Variants in IDH3A observed in about 807,000 individuals in gnomAD.
IDH3A encodes isocitrate dehydrogenase (NAD(+)) 3 catalytic subunit alpha.
In IDH3A, 23 loss-of-function variants were observed where a neutral mutation model predicts 43.3. The observed-to-expected ratio is 0.53, with a 90% CI of 0.38 to 0.75. IDH3A has a LOEUF of 0.75. Among genes scored for constraint, IDH3A ranks in the 30% least tolerant of loss-of-function variants. The probability of loss-of-function intolerance (pLI) is 0.00; values close to 1 mark genes in which losing one functional copy is unlikely to be tolerated. For synonymous variants in IDH3A, 154 were observed against 163.5 expected, an observed-to-expected ratio of 0.94 and a Z score of 0.44; for missense variants, 329 against 474.4, an observed-to-expected ratio of 0.69 and a Z score of 2.85.
At chr15:78,157,407 G>A (rs1596376662) in intron 2 of IDH3A, 141 bp from the exon 3 acceptor site, 2 of 654,828 alleles carry the variant, frequency 3.1e-6, no homozygotes, top group East Asian at 2.8e-5. Flanking sequence ...ATGACCCCCG[G>A]GGAGGTATGT....
intron 4 of IDH3A, among the ~76,000 whole-genome samples, chr15:78,160,523 G>A (rs1377707642): frequency 2.6e-5 from 4 of 151,842 alleles, no homozygotes; most frequent in African/African-American, 9.7e-5. Flanking sequence ...ACAGAGTCTC[G>A]CTCTGTTGCC....
intron 9 of IDH3A, among the ~76,000 whole-genome samples, 163 bp downstream of exon 9, chr15:78,165,239 T>C (rs1007748864): frequency 1.3e-5 from 2 of 152,012 alleles, no homozygotes; most frequent in Non-Finnish European, 1.5e-5. Context: ...TCACCCACGC[T>C]GGAGTACAGT....
intron 1 of IDH3A, among the ~76,000 whole-genome samples, chr15:78,149,911 G>C (rs756723741): frequency 1.3e-5 from 2 of 152,284 alleles, no homozygotes; most frequent in Non-Finnish European, 2.9e-5. Context: ...GGTGCCACGG[G>C]CACTGGCGTT....
rs1410220314 is a variant in IDH3A at position 78,170,940 on chromosome 15, T to A, written c.*1935T>A. On this transcript the variant is annotated 3_prime_UTR_variant, in exon 11 of 11. Transcript: ENST00000299518. ...TTATTAAGCATCAAGTCAGTTGGCA[T>A]GTGGGTGGCGGAGTGCCTGGTAATG... 2 of 153,092 alleles carry A rather than the reference T, an allele frequency of 1.3e-5. No individual in the cohort carries two copies. Among genetic ancestry groups the A allele is most frequent in the African/African-American group, 4.8e-5 (2 of 41,474 alleles). 9.5% of individuals were successfully genotyped at this position (153,092 alleles called of 1,614,324 possible).
chr15:78,158,967 G>C (rs1477050835), intron 3 of IDH3A, among the ~76,000 whole-genome samples: 1 of 151,902 alleles, frequency 6.6e-6, no homozygotes, highest in Non-Finnish European at 1.5e-5. Context: ...CGAGCAGCTG[G>C]GATTACAGGT....
Position 78,162,321 on chromosome 15 carries a change from A to C in IDH3A, c.565A>C (p.Asn189His). The change falls in exon 6 of 11, where the codon AAC becomes CAC. Residue 189 changes from asparagine (N) to histidine (H), a missense_variant. Physicochemically the swap from Asn to His is moderately conservative, Grantham distance 68. Coordinates refer to ENST00000299518, the MANE Select transcript of IDH3A (RefSeq NM_005530.3). ...IAEFAFEYAR[N>H]NHRSNVTAVH... is the part of the protein sequence containing the mutation. Reference sequence around the variant, plus strand: ...TGAGTTTGCCTTTGAGTATGCCCGGAACAACCACCGGAGCAACGTCACGGC... The same window carrying C: ...TGAGTTTGCCTTTGAGTATGCCCGGCACAACCACCGGAGCAACGTCACGGC... 3 of 1,614,100 alleles carry C rather than the reference A, an allele frequency of 1.9e-6. No individual in the cohort carries two copies. The highest frequency in any genetic ancestry group is 2.5e-6 in the Non-Finnish European group (3 of 1,180,028).
rs1342964916 is a variant in IDH3A, at chr15:78,171,578, C to T, written c.*2573C>T. On this transcript the variant is annotated 3_prime_UTR_variant, in exon 11 of 11. Transcript: ENST00000299518. The stretch of plus-strand genomic sequence containing the variant: ...GAGTGAGGCCCAGGCTCTGAGAACT[C>T]TGAGAATGTGTGTGGTAAAGACTCA... 6.7e-7 allele frequency: 1 copy of T among 1,491,028 alleles called. No homozygotes were observed. Among genetic ancestry groups the T allele is most frequent in the African/African-American group, 1.4e-5 (1 of 72,358 alleles). 92.4% of individuals were successfully genotyped at this position (1,491,028 alleles called of 1,614,324 possible). A position where few individuals can be genotyped will look rare whatever the true frequency, so the allele number is the denominator to read the frequency against.
chr15:78,159,300 T>G (rs1032730385), intron 3 of IDH3A, among the ~76,000 whole-genome samples: 2 of 146,096 alleles, frequency 1.4e-5, no homozygotes, highest in African/African-American at 2.6e-5. Context: ...CCCTACCCCC[T>G]CCTCCTTTTT....
chr15:78,158,464 T>TATATATATATATATATATATA lies in IDH3A; in HGVS notation c.174+833_174+834insATATATATATATATATATATA, dbSNP rs71145899. On this transcript the variant is annotated intron_variant, in intron 3 of 10. Coordinates refer to ENST00000299518, the MANE Select transcript of IDH3A (RefSeq NM_005530.3). ...ACATACATACATATATATATATATA[T>TATATATATATATATATATATA]TTTTTTTTTTTTTTTTTTTTTTTTT... Among the ~76,000 whole-genome samples the TATATATATATATATATATATA allele has an allele frequency of 1.9e-3, 97 of 49,896 alleles. 2 individuals carry two copies. The highest frequency in any genetic ancestry group is 2.8e-3 in the Non-Finnish European group (74 of 26,476). 32.7% of individuals were successfully genotyped at this position (49,896 alleles called of 152,430 possible). A position where few individuals can be genotyped will look rare whatever the true frequency, so the allele number is the denominator to read the frequency against.
intron 3 of IDH3A, among the ~76,000 whole-genome samples, chr15:78,158,521 G>C (rs1309432315): frequency 4.2e-5 from 5 of 119,950 alleles, no homozygotes; most frequent in Non-Finnish European, 8.2e-5. Flanking sequence ...TTGTTGCCCA[G>C]GCTGAAGTGC....
At chr15:78,163,900 G>T in intron 8 of IDH3A, 120 bp downstream of exon 8, 3 of 681,682 alleles carry the variant, frequency 4.4e-6, no homozygotes, top group South Asian at 1.8e-5. Context: ...TGTAACATAT[G>T]AATTGAATTC....
At chr15:78,156,940 T>C in intron 2 of IDH3A, 1 of 1,351,812 alleles carries the variant, frequency 7.4e-7, no homozygotes, top group Non-Finnish European at 9.8e-7. Flanking sequence ...AGATTACTCT[T>C]AGATTTAAGC....
chr15:78,162,331 G>C lies in IDH3A; in HGVS notation c.575G>C (p.Arg192Pro). ...FAFEYARNNHRSNVTAVHKAN... is the reference protein window; with the variant it reads ...FAFEYARNNHPSNVTAVHKAN... The stretch of plus-strand genomic sequence containing the variant: ...TTTGAGTATGCCCGGAACAACCACC[G>C]GAGCAACGTCACGGCGGTGCACAAA... Residue 192 changes from arginine to proline, a missense_variant, in exon 6 of 11, where the codon CGG (arginine) becomes CCG (proline). By Grantham distance (103) the Arg-to-Pro change is moderately radical. This residue lies in a region of IDH3A where 212 missense variants were observed against 345.5 expected (regional missense o/e 0.61). Coordinates refer to ENST00000299518, the MANE Select transcript of IDH3A (RefSeq NM_005530.3). The C allele has an allele frequency of 6.2e-7, 1 of 1,614,098 alleles. No individual in the cohort carries two copies.
intron 8 of IDH3A, 55 bp downstream of exon 8, chr15:78,163,835 T>A (rs2074709121): frequency 2.7e-6 from 3 of 1,091,012 alleles, no homozygotes; most frequent in Non-Finnish European, 4.2e-6. Context: ...ATAAACATCC[T>A]AAAATAATTA....
chr15:78,171,759 G>A lies in IDH3A; in HGVS notation c.*2754G>A, dbSNP rs562523174. The stretch of plus-strand genomic sequence containing the variant: ...GTGGCCAGTGGAGTATAGATGAAGG[G>A]TTGGTATGTCACCTCTGAGAATAGG... On this transcript the variant is annotated 3_prime_UTR_variant, in exon 11 of 11. Coordinates refer to ENST00000299518, the MANE Select transcript of IDH3A (RefSeq NM_005530.3). 53 of 425,194 alleles carry A rather than the reference G, an allele frequency of 1.2e-4. No homozygotes were observed. The highest frequency in any genetic ancestry group is 9.6e-4 in the African/African-American group (48 of 50,258). 26.3% of individuals were successfully genotyped at this position (425,194 alleles called of 1,614,324 possible).
chr15:78,171,597 A>C lies in IDH3A; in HGVS notation c.*2592A>C. 1.5e-6 allele frequency: 2 copies of C among 1,295,604 alleles called. No homozygotes were observed. The highest frequency in any genetic ancestry group is 2.2e-6 in the Non-Finnish European group (2 of 893,336). The allele number at this position is 1,295,604 out of a possible 1,614,324, so 80.3% of individuals were successfully genotyped here. ...AGAACTCTGAGAATGTGTGTGGTAAAGACTCACACTCAGTCCTATATATAA... is the reference window on the plus strand; with the variant it reads ...AGAACTCTGAGAATGTGTGTGGTAACGACTCACACTCAGTCCTATATATAA... On this transcript the variant is annotated 3_prime_UTR_variant, in exon 11 of 11. Transcript: ENST00000299518.
At chr15:78,154,354 T>C (rs2074607194) in intron 1 of IDH3A, 1 of 152,234 alleles carries the variant, frequency 6.6e-6, no homozygotes, top group African/African-American at 2.4e-5. Flanking sequence ...AAATCTTTAT[T>C]CTGTATGGCA....
chr15:78,162,447 A>G lies in IDH3A; in HGVS notation c.611+80A>G, dbSNP rs1466231612. 3.3e-6 allele frequency: 5 copies of G among 1,502,020 alleles called. No individual in the cohort carries two copies. The Admixed American group carries it at 5.5e-5, about 17-fold the overall frequency. 93.0% of individuals were successfully genotyped at this position (1,502,020 alleles called of 1,614,324 possible). ...GACAGGGCTTCCCTTTCTCCTCTTC[A>G]GCTTGTTCCTTGATTCCTAATATCT... On this transcript the variant is annotated intron_variant, in intron 6 of 10. Coordinates refer to ENST00000299518, the MANE Select transcript of IDH3A (RefSeq NM_005530.3).
chr15:78,154,024 T>C (rs1044001181), intron 1 of IDH3A, among the ~76,000 whole-genome samples: 2 of 151,864 alleles, frequency 1.3e-5, no homozygotes, highest in Non-Finnish European at 2.9e-5. Flanking sequence ...AAAAAAAAAA[T>C]TTAATGCATT....
Sources: gnomAD v4.1 joint callset for allele counts (sites outside exome capture counted in the v4.1 genomes callset) on GRCh38, gnomAD v4.1.1 for gene constraint, gnomAD v4.1.1 regional missense constraint, MANE v1.5 for transcripts, NCBI Gene and HGNC (gene_info 2026-07-23, HGNC 2026-07-21) for gene names.